The following TAF4 variants were observed in gnomAD, a reference collection of about 807,000 sequenced individuals.
The protein encoded by TAF4 is TATA-box binding protein associated factor 4.
TAF4 carries 9 observed loss-of-function variants against 90.3 expected under a neutral mutation model. That is an observed-to-expected ratio of 0.10 (90% CI 0.06 to 0.17). The LOEUF (loss-of-function observed/expected upper bound fraction) is 0.17, where lower values mean the gene tolerates loss of function less well. TAF4 is among the 10% of genes least tolerant of loss of function. TAF4 has a pLI of 1.00. For synonymous variants in TAF4, 818 were observed against 638.9 expected (o/e 1.28, Z -4.23); for missense variants, 1,351 against 1,370.7 (o/e 0.99, Z 0.23).
intron 1 of TAF4, among the ~76,000 whole-genome samples, chr20:62,048,742 C>T (rs923052008): frequency 6.6e-6 from 1 of 151,426 alleles, no homozygotes; most frequent in Non-Finnish European, 1.5e-5. Context: ...CCCCACATGC[C>T]CACCTTGGTC....
intron 1 of TAF4, among the ~76,000 whole-genome samples, chr20:62,021,509 C>T (rs907733621): frequency 8.5e-5 from 13 of 152,378 alleles, no homozygotes; most frequent in African/African-American, 2.9e-4. Context: ...ACTCAAACAG[C>T]GTGTTCACAG....
At chr20:62,062,288 C>T (rs1374983067) in intron 1 of TAF4, among the ~76,000 whole-genome samples, 1 of 152,118 alleles carries the variant, frequency 6.6e-6, no homozygotes, top group Non-Finnish European at 1.5e-5. Context: ...TCTGATCAAT[C>T]GATTACAGGA....
chr20:62,031,449 C>A (rs2055903873), intron 1 of TAF4, among the ~76,000 whole-genome samples: 1 of 152,198 alleles, frequency 6.6e-6, no homozygotes, highest in African/African-American at 2.4e-5. Flanking sequence ...CTCTAAAAAT[C>A]CTGCACTAAC....
intron 1 of TAF4, among the ~76,000 whole-genome samples, chr20:62,062,148 G>A (rs1230709113): frequency 6.6e-6 from 1 of 152,234 alleles, no homozygotes; most frequent in Non-Finnish European, 1.5e-5. Flanking sequence ...TTGCAAGACT[G>A]AGTTGTAATG....
chr20:62,049,936 G>A (rs538034498), intron 1 of TAF4, among the ~76,000 whole-genome samples: 1 of 152,182 alleles, frequency 6.6e-6, no homozygotes, highest in African/African-American at 2.4e-5. Flanking sequence ...CTTCAGACCT[G>A]CTGCAGAAAC....
chr20:62,060,377 G>A (rs898020382), intron 1 of TAF4, among the ~76,000 whole-genome samples: 1 of 152,274 alleles, frequency 6.6e-6, no homozygotes, highest in Admixed American at 6.5e-5. Flanking sequence ...ACAGTAAGCA[G>A]TGAGGAGAGA....
intron 6 of TAF4, among the ~76,000 whole-genome samples, chr20:62,007,191 G>A (rs1056464452): frequency 2.6e-5 from 4 of 152,142 alleles, no homozygotes; most frequent in African/African-American, 7.2e-5. Context: ...AAAATGTGCT[G>A]ATACCAATGA....
intron 1 of TAF4, among the ~76,000 whole-genome samples, chr20:62,059,529 G>A (rs148021829): frequency 3.3e-5 from 5 of 152,180 alleles, no homozygotes; most frequent in African/African-American, 4.8e-5. Context: ...CATAGCAACC[G>A]CAGGCCCACC....
rs1475449658 is a variant in TAF4 at position 62,052,349 on chromosome 20, AG to A, written c.1360+12101del. Among the ~76,000 whole-genome samples, 9 of 152,102 alleles carry A rather than the reference AG, an allele frequency of 5.9e-5. No individual in the cohort carries two copies. The East Asian group carries it at 1.2e-3, about 20-fold the overall frequency. On this transcript the variant is annotated intron_variant, in intron 1 of 14. Transcript: ENST00000252996. ...CAAGATCTCTCCTTAAAATACAAAC[AG>A]GAAAAAACAAAGAAACTGTCCTTTG...
chr20:61,985,144 A>G (rs972154324), intron 14 of TAF4, among the ~76,000 whole-genome samples: 2 of 151,522 alleles, frequency 1.3e-5, no homozygotes, highest in African/African-American at 4.9e-5. Flanking sequence ...CTCACAAACA[A>G]AAAATCAACC....
In TAF4 at chr20:62,012,720, A is replaced by C. The variant is rs553382698; in HGVS notation, c.1641+95T>G. ...GATTTGACGTAGTATCCAGTTTAAA[A>C]AAAAAAAAAAACTCCTAAGGCCTGA... is the stretch of plus-strand genomic sequence containing the variant. On this transcript the variant is annotated intron_variant, in intron 3 of 14. Coordinates refer to ENST00000252996, the MANE Select transcript of TAF4 (RefSeq NM_003185.4). The C allele has an allele frequency of 5.2e-6, 7 of 1,351,124 alleles. No individual in the cohort carries two copies. In the East Asian group the frequency reaches 1.1e-4, roughly 21 times the overall value. The allele number at this position is 1,351,124 out of a possible 1,614,324, so 83.7% of individuals were successfully genotyped here. A position where few individuals can be genotyped will look rare whatever the true frequency, so the allele number is the denominator to read the frequency against.
chr20:61,996,812 A>AG (rs2055665662), intron 14 of TAF4, among the ~76,000 whole-genome samples: 1 of 151,766 alleles, frequency 6.6e-6, no homozygotes, highest in African/African-American at 2.4e-5. Flanking sequence ...AAAAAAAAAA[A>AG]AGAGAATGAG....
At chr20:62,020,303 G>C (rs2055835475) in intron 1 of TAF4, among the ~76,000 whole-genome samples, 2 of 152,176 alleles carry the variant, frequency 1.3e-5, no homozygotes, top group Admixed American at 6.5e-5. Flanking sequence ...CTGGTCCTGA[G>C]GGGCTCTCAG....
rs541771920 is a variant in TAF4, at chr20:61,994,253, G to A, written c.3090+3297C>T. Among the ~76,000 whole-genome samples the A allele has an allele frequency of 4.6e-5, 7 of 152,332 alleles. No individual in the cohort carries two copies. In the East Asian group the frequency reaches 1.2e-3, roughly 25 times the overall value. On this transcript the variant is annotated intron_variant, in intron 14 of 14. Coordinates refer to ENST00000252996, the MANE Select transcript of TAF4 (RefSeq NM_003185.4). ...CAACTACATTTTCAGCGTGGGCTGC[G>A]GGCCTCACAGCCAGTGGGCACTCAG...
chr20:62,061,713 G>T (rs1001914473), intron 1 of TAF4, among the ~76,000 whole-genome samples: 1 of 152,112 alleles, frequency 6.6e-6, no homozygotes, highest in Non-Finnish European at 1.5e-5. Context: ...GTGCTTTTCC[G>T]TGATCTTGGG....
At chr20:62,019,789 G>A (rs1387862833) in intron 1 of TAF4, among the ~76,000 whole-genome samples, 1 of 152,246 alleles carries the variant, frequency 6.6e-6, no homozygotes, top group Non-Finnish European at 1.5e-5. Flanking sequence ...CAGTTTTCCT[G>A]ATTCCTTTTG....
Position 62,065,491 on chromosome 20 carries a change from G to A in TAF4, c.320C>T (p.Pro107Leu), listed in dbSNP as rs929238527. 25 of 971,132 alleles carry A rather than the reference G, an allele frequency of 2.6e-5. No homozygotes were observed. Among genetic ancestry groups the A allele is most frequent in the Middle Eastern group, 5.2e-4 (1 of 1,914 alleles). 60.2% of individuals were successfully genotyped at this position (971,132 alleles called of 1,614,324 possible). Residue 107 changes from proline (P) to leucine (L), a missense_variant, in exon 1 of 15, where the codon CCC (proline) becomes CTC (leucine). Pro to Leu is a moderately conservative substitution (Grantham distance 98). Around this residue, in one of 9 missense-constraint regions of TAF4, gnomAD observed 782 missense variants for 536.6 expected, o/e 1.46. Coordinates refer to ENST00000252996, the MANE Select transcript of TAF4 (RefSeq NM_003185.4). ...GACAAGGGGGCGGCGCGGTGAGGGG[G>A]GGCCCGGGCGCTGCGGCCCCCCGCC... is the stretch of plus-strand genomic sequence containing the variant. ...PGGGGPQRPG[P>L]PSPRRPLVPA...
chr20:62,040,481 C>T (rs2055957397), intron 1 of TAF4, among the ~76,000 whole-genome samples: 1 of 152,216 alleles, frequency 6.6e-6, no homozygotes, highest in Admixed American at 6.5e-5. Flanking sequence ...AGGGGCTCAC[C>T]CCCAGGGGCA....
intron 1 of TAF4, among the ~76,000 whole-genome samples, chr20:62,056,822 C>T (rs2056067125): frequency 6.6e-6 from 1 of 152,054 alleles, no homozygotes; most frequent in Non-Finnish European, 1.5e-5. Flanking sequence ...CTAATTTTAT[C>T]ATCAAAAAAA....
Sources: allele counts gnomAD v4.1 joint callset (sites outside exome capture counted in the v4.1 genomes callset), GRCh38; gene constraint gnomAD v4.1.1; regional missense constraint gnomAD v4.1.1; transcripts MANE v1.5; gene names NCBI Gene and HGNC (gene_info 2026-07-23, HGNC 2026-07-21).